ITPR1: variants seen among roughly 807,000 people sequenced by gnomAD.
The protein encoded by ITPR1 is inositol 1,4,5-trisphosphate receptor type 1, also known as inositol 1,4,5-trisphosphate-gated calcium channel ITPR1.
In ITPR1, 96 loss-of-function variants were observed where a neutral mutation model predicts 318.4. The ratio of observed to expected loss-of-function variants is 0.30; its 90% CI spans 0.26 to 0.36. The LOEUF (loss-of-function observed/expected upper bound fraction) is 0.36, where lower values mean the gene tolerates loss of function less well. ITPR1 is among the 10% of genes least tolerant of loss of function. The pLI, the probability that ITPR1 is intolerant of heterozygous loss-of-function variation, is 1.00. For missense variants in ITPR1, 2,440 were observed against 3,460.2 expected (o/e 0.71, Z 7.40); for synonymous variants, 1,312 against 1,289.9 (o/e 1.02, Z -0.37).
chr3:4,811,949 G>A (rs1250770795), intron 56 of ITPR1, among the ~76,000 whole-genome samples: 1 of 152,068 alleles, frequency 6.6e-6, no homozygotes, highest in Non-Finnish European at 1.5e-5. Flanking sequence ...CTTGCACATA[G>A]GTACATCTTT....
intron 44 of ITPR1, among the ~76,000 whole-genome samples, chr3:4,738,529 T>A (rs1189334347): frequency 1.3e-5 from 2 of 152,144 alleles, no homozygotes; most frequent in South Asian, 4.1e-4. Flanking sequence ...GATGACCAGG[T>A]GCACAAAGGC....
intron 35 of ITPR1, among the ~76,000 whole-genome samples, chr3:4,702,352 G>A (rs976181549): frequency 6.6e-6 from 1 of 152,190 alleles, no homozygotes; most frequent in Non-Finnish European, 1.5e-5. Flanking sequence ...CCACGTATCA[G>A]TTTGTTTTTG....
chr3:4,839,006 G>C (rs2051136471), intron 61 of ITPR1, among the ~76,000 whole-genome samples: 1 of 152,222 alleles, frequency 6.6e-6, no homozygotes, highest in Non-Finnish European at 1.5e-5. Context: ...TCAAAGGAGT[G>C]AGTTGAGCTG....
chr3:4,601,338 G>A (rs1386959930), intron 4 of ITPR1, among the ~76,000 whole-genome samples: 3 of 151,624 alleles, frequency 2.0e-5, no homozygotes, highest in African/African-American at 7.3e-5. Flanking sequence ...GGGCAACATG[G>A]TGAAACCCTA....
intron 51 of ITPR1, among the ~76,000 whole-genome samples, chr3:4,787,318 A>G (rs1165795227): frequency 6.8e-6 from 1 of 147,720 alleles, no homozygotes; most frequent in Non-Finnish European, 1.5e-5. Context: ...AGCCTGGACA[A>G]CAAAACGAGA....
chr3:4,567,627 A>G (rs2087472240), intron 4 of ITPR1, among the ~76,000 whole-genome samples: 2 of 150,722 alleles, frequency 1.3e-5, no homozygotes, highest in Non-Finnish European at 3.0e-5. Context: ...CTTTTTTGAG[A>G]CGGGGTCTTA....
intron 10 of ITPR1, among the ~76,000 whole-genome samples, chr3:4,648,504 A>T (rs1024142821): frequency 6.6e-6 from 1 of 152,180 alleles, no homozygotes; most frequent in South Asian, 2.1e-4. Context: ...TCATTTGCCT[A>T]TGACCTTTTA....
At position 4,706,169 on chromosome 3, in the gene ITPR1, A is replaced by G; in HGVS notation, c.4660A>G (p.Lys1554Glu). The change falls in exon 37 of 62, where the codon AAG (lysine) becomes GAG (glutamate). Residue 1554 changes from lysine to glutamate, a missense_variant and splice_region_variant. By Grantham distance (56) the Lys-to-Glu change is moderately conservative. Transcript: ENST00000649015. ...SCIRVLSDVAKSRAIAIPVDL... is the reference protein window; with the variant it reads ...SCIRVLSDVAESRAIAIPVDL... Reference sequence around the variant, plus strand: ...CGACTCATCTTTCTCCTGTGCAGCCAAGAGCCGGGCCATTGCCATTCCCGT... The same window carrying G: ...CGACTCATCTTTCTCCTGTGCAGCCGAGAGCCGGGCCATTGCCATTCCCGT... The G allele has an allele frequency of 6.2e-7, 1 of 1,614,030 alleles. No homozygotes were observed. The highest frequency in any genetic ancestry group is 8.5e-7 in the Non-Finnish European group (1 of 1,179,874).
intron 11 of ITPR1, among the ~76,000 whole-genome samples, chr3:4,652,952 C>T (rs893697057): frequency 6.6e-6 from 1 of 152,112 alleles, no homozygotes; most frequent in African/African-American, 2.4e-5. Context: ...CGCACCACTG[C>T]AGTCCAGCTT....
At chr3:4,669,501 G>C (rs1050454982) in intron 18 of ITPR1, among the ~76,000 whole-genome samples, 153 bp from the exon 19 acceptor site, 14 of 152,010 alleles carry the variant, frequency 9.2e-5, no homozygotes, top group Non-Finnish European at 1.6e-4. Flanking sequence ...TGGCTTTCTG[G>C]TGATGCCATA....
rs567954822 is a variant in ITPR1, at chr3:4,727,290, A to G, written c.5220+117A>G. ...TGTTGTTGATATTGTTAAAGCATTAATTGACTCAAGAGCAATCACAGCCAT... is the reference window on the plus strand; with the variant it reads ...TGTTGTTGATATTGTTAAAGCATTAGTTGACTCAAGAGCAATCACAGCCAT... On this transcript the variant is annotated intron_variant, in intron 42 of 61. Transcript: ENST00000649015. The G allele has an allele frequency of 6.4e-5, 46 of 720,172 alleles. No homozygotes were observed. The East Asian group carries it at 1.2e-3, about 19-fold the overall frequency. The allele number at this position is 720,172 out of a possible 1,614,324, so 44.6% of individuals were successfully genotyped here.
chr3:4,598,997 A>G (rs570933234), intron 4 of ITPR1, among the ~76,000 whole-genome samples: 167 of 148,618 alleles, frequency 1.1e-3, no homozygotes, highest in Non-Finnish European at 8.9e-5. Flanking sequence ...GCACAGGATC[A>G]TTACTGATGA....
chr3:4,702,713 G>C (rs2094681506), intron 35 of ITPR1, 117 bp from the exon 36 acceptor site: 1 of 1,112,146 alleles, frequency 9.0e-7, no homozygotes, highest in Admixed American at 2.1e-5. Context: ...ACAAGGCAGT[G>C]TCTGTCTCTG....
At position 4,724,754 on chromosome 3, in the gene ITPR1, C is replaced by G. The variant is rs1163001066; in HGVS notation, c.5137-792C>G. ...CCTTTGTGTAGCCCCTGCATGCCCTCTCACCCCTTCCCCCTCACCTGCATG... is the reference window on the plus strand; with the variant it reads ...CCTTTGTGTAGCCCCTGCATGCCCTGTCACCCCTTCCCCCTCACCTGCATG... On this transcript the variant is annotated intron_variant, in intron 40 of 61. Coordinates refer to ENST00000649015, the MANE Select transcript of ITPR1 (RefSeq NM_001378452.1). 2.6e-5 allele frequency among the ~76,000 whole-genome samples: 4 copies of G among 152,318 alleles called. No individual in the cohort carries two copies. The East Asian group carries it at 5.8e-4, about 22-fold the overall frequency.
intron 4 of ITPR1, among the ~76,000 whole-genome samples, chr3:4,550,808 C>G (rs925856824): frequency 2.6e-5 from 4 of 151,798 alleles, no homozygotes; most frequent in Non-Finnish European, 5.9e-5. Flanking sequence ...CAAGCCCAAG[C>G]CCAGGAAGTA....
At chr3:4,528,871 A>G (rs1038749716) in intron 4 of ITPR1, among the ~76,000 whole-genome samples, 1 of 152,234 alleles carries the variant, frequency 6.6e-6, no homozygotes, top group Non-Finnish European at 1.5e-5. Context: ...TCTTCATTTC[A>G]GATTTACTAG....
chr3:4,801,257 T>G (rs912226713), intron 54 of ITPR1, among the ~76,000 whole-genome samples: 2 of 152,198 alleles, frequency 1.3e-5, no homozygotes, highest in African/African-American at 2.4e-5. Flanking sequence ...GATCTAAAAA[T>G]GCCTTCCAGG....
At chr3:4,626,186 G>T (rs886485782) in intron 4 of ITPR1, among the ~76,000 whole-genome samples, 1 of 147,492 alleles carries the variant, frequency 6.8e-6, no homozygotes, top group Non-Finnish European at 1.5e-5. Context: ...TAAACTTTCT[G>T]TGTGTGTGTG....
At chr3:4,729,083 G>A (rs1162454943) in intron 42 of ITPR1, among the ~76,000 whole-genome samples, 1 of 152,182 alleles carries the variant, frequency 6.6e-6, no homozygotes, top group Non-Finnish European at 1.5e-5. Context: ...AAGGCACATA[G>A]CTGTCCCTCA....
Sources: allele counts gnomAD v4.1 joint callset (sites outside exome capture counted in the v4.1 genomes callset), GRCh38; gene constraint gnomAD v4.1.1; transcripts MANE v1.5; gene names NCBI Gene and HGNC (gene_info 2026-07-23, HGNC 2026-07-21).